The following DNAH2 variants were observed in gnomAD, a reference collection of about 807,000 sequenced individuals.
DNAH2 encodes the protein dynein axonemal heavy chain 2, also known as axonemal beta dynein heavy chain 2.
DNAH2 carries 323 observed loss-of-function variants against 523.5 expected under a neutral mutation model. That is an observed-to-expected ratio of 0.62 (90% confidence interval 0.56 to 0.68). The LOEUF is 0.68. Among genes scored for constraint, DNAH2 ranks in the 30% least tolerant of loss-of-function variants. The pLI, the probability that DNAH2 is intolerant of heterozygous loss-of-function variation, is 0.00. For missense variants in DNAH2, 4,907 were observed against 5,701.5 expected (o/e 0.86, Z 4.49); for synonymous variants, 2,093 against 2,177.4 (o/e 0.96, Z 1.08).
Position 7,816,627 on chromosome 17 carries a change from G to A in DNAH2, c.9786G>A (p.Lys3262=). Residue 3262 remains lysine (K), a synonymous_variant, in exon 64 of 86, where the codon AAG becomes AAA. Transcript: ENST00000572933. ...AGTATGATGAGAAGCTGGCACAGAA[G>A]GAGGAGCTTCGCAAGAAGTCTGAAG... ...KKQYDEKLAQ[K]EELRKKSEEM... 1.9e-6 allele frequency: 3 copies of A among 1,614,228 alleles called. No homozygotes were observed. The highest frequency in any genetic ancestry group is 2.2e-5 in the East Asian group (1 of 44,896).
In DNAH2 at chr17:7,786,758, A is replaced by C; in HGVS notation, c.6466+71A>C. 2 of 1,597,800 alleles carry C rather than the reference A, an allele frequency of 1.3e-6. No individual in the cohort carries two copies. Among genetic ancestry groups the C allele is most frequent in the Admixed American group, 3.4e-5 (2 of 59,504 alleles). ...CTAAGGGGGCAGGGAGTCTGGGGATAGGAAGTTCCAAGTTGGGAGAGAAAT... is the reference window on the plus strand; with the variant it reads ...CTAAGGGGGCAGGGAGTCTGGGGATCGGAAGTTCCAAGTTGGGAGAGAAAT... On this transcript the variant is annotated intron_variant, in intron 41 of 85. Coordinates refer to ENST00000572933, the MANE Select transcript of DNAH2 (RefSeq NM_020877.5). This position sits in a 1 kb window ranked among gnomAD's most constrained non-coding sequence, Gnocchi z 7.5.
chr17:7,733,034 G>C lies in DNAH2; in HGVS notation c.400-53G>C, dbSNP rs1027860879. ...GAACTCAGCCGGGCTTTTGTGACTG[G>C]GTGTCATGGCTGGGCCTGGAGACTG... On this transcript the variant is annotated intron_variant, in intron 4 of 85. Transcript: ENST00000572933. 3.2e-6 allele frequency: 5 copies of C among 1,581,354 alleles called. No individual in the cohort carries two copies. In the African/African-American group the frequency reaches 6.7e-5, roughly 21 times the overall value.
chr17:7,752,194 C>CACACACACACACAA (rs1260874729), intron 12 of DNAH2, among the ~76,000 whole-genome samples: 10 of 151,554 alleles, frequency 6.6e-5, no homozygotes, highest in African/African-American at 1.2e-4. Flanking sequence ...CACACACACA[C>CACACACACACACAA]AATTTCTGAT....
chr17:7,762,401 T>C (rs2076031741), intron 18 of DNAH2, among the ~76,000 whole-genome samples: 1 of 146,738 alleles, frequency 6.8e-6, no homozygotes, highest in African/African-American at 2.5e-5. Context: ...AATGGCGCCA[T>C]CTCTGCTCAC....
At chr17:7,773,054 A>G (rs184399430) in intron 28 of DNAH2, among the ~76,000 whole-genome samples, 19 of 152,224 alleles carry the variant, frequency 1.2e-4, no homozygotes, top group Admixed American at 9.8e-4. Context: ...GATTATAGGC[A>G]TGAGCCACCA....
At chr17:7,818,895 A>G in intron 70 of DNAH2, 24 bp from the exon 71 acceptor site, 2 of 1,609,168 alleles carry the variant, frequency 1.2e-6, no homozygotes, top group South Asian at 1.1e-5. Context: ...CCCTTGCTCC[A>G]TGTGCCTCTG....
chr17:7,813,969 T>C (rs982294528), intron 63 of DNAH2, among the ~76,000 whole-genome samples: 5 of 151,926 alleles, frequency 3.3e-5, no homozygotes, highest in African/African-American at 1.2e-4. Context: ...TTATTTTAGG[T>C]CTAAGGATTC....
Position 7,778,128 on chromosome 17 carries a change from T to G in DNAH2, c.5299T>G (p.Tyr1767Asp), listed in dbSNP as rs1430360884. ...RQTNTQFQYN[Y>D]EYLGNSGRLV... is the part of the protein sequence containing the mutation. ...GACCAACACGCAATTTCAGTATAAT[T>G]ATGAGTACTTGGGTAACTCGGGCCG... The change falls in exon 34 of 86, where the codon TAT (tyrosine) becomes GAT (aspartate). Residue 1767 changes from tyrosine (Y) to aspartate (D), a missense_variant. Tyr to Asp is a radical substitution (Grantham distance 160, BLOSUM62 -3). Around this residue, in one of 3 missense-constraint regions of DNAH2, gnomAD observed 2,806 missense variants for 3,190.8 expected, o/e 0.88. Coordinates refer to ENST00000572933, the MANE Select transcript of DNAH2 (RefSeq NM_020877.5). 6 of 1,614,140 alleles carry G rather than the reference T, an allele frequency of 3.7e-6. No homozygotes were observed. Among genetic ancestry groups the G allele is most frequent in the Non-Finnish European group, 5.1e-6 (6 of 1,180,036 alleles).
chr17:7,761,892 G>T (rs898524212), intron 18 of DNAH2, among the ~76,000 whole-genome samples: 21 of 150,922 alleles, frequency 1.4e-4, no homozygotes, highest in African/African-American at 4.9e-4. Context: ...CATTGTATGG[G>T]CCATGAGGAG....
At chr17:7,793,281 C>A in intron 48 of DNAH2, 76 bp downstream of exon 48, 1 of 1,470,756 alleles carries the variant, frequency 6.8e-7, no homozygotes. Context: ...CACTGGGGCC[C>A]CAGGCTATGG....
intron 2 of DNAH2, among the ~76,000 whole-genome samples, chr17:7,721,976 A>T (rs893381631): frequency 6.6e-6 from 1 of 151,966 alleles, no homozygotes; most frequent in African/African-American, 2.4e-5. Context: ...TCATTCCCTC[A>T]CCCCTACCCC....
chr17:7,780,093 G>A lies in DNAH2; in HGVS notation c.5723-64G>A. The stretch of plus-strand genomic sequence containing the variant: ...AGAAAATGAGACTGATTGGAAAGTG[G>A]GTTTGGGGAAGCAAATCAAGATGAG... On this transcript the variant is annotated intron_variant, in intron 36 of 85. Coordinates refer to ENST00000572933, the MANE Select transcript of DNAH2 (RefSeq NM_020877.5). This position sits in a 1 kb window ranked among gnomAD's most constrained non-coding sequence, Gnocchi z 4.4. 6.4e-7 allele frequency: 1 copy of A among 1,569,728 alleles called. No individual in the cohort carries two copies. The highest frequency in any genetic ancestry group is 8.6e-7 in the Non-Finnish European group (1 of 1,156,954).
At chr17:7,722,964 C>CA (rs2074665517) in intron 2 of DNAH2, among the ~76,000 whole-genome samples, 3 of 114,700 alleles carry the variant, frequency 2.6e-5, no homozygotes, top group Non-Finnish European at 5.2e-5. Flanking sequence ...CTTTTCTTTC[C>CA]TTTTTTTTTT....
At chr17:7,746,809 A>G (rs1428986142) in intron 12 of DNAH2, among the ~76,000 whole-genome samples, 1 of 152,120 alleles carries the variant, frequency 6.6e-6, no homozygotes, top group Non-Finnish European at 1.5e-5. Flanking sequence ...CAACATGGTG[A>G]AACCCCGTCT....
rs762729742 is a variant in DNAH2 at position 7,823,890 on chromosome 17, C to T, written c.11386C>T (p.Arg3796Cys). 50 of 1,614,040 alleles carry T rather than the reference C, an allele frequency of 3.1e-5. No individual in the cohort carries two copies. Among genetic ancestry groups the T allele is most frequent in the Non-Finnish European group, 4.0e-5 (47 of 1,180,058 alleles). The change falls in exon 75 of 86, where the codon CGC becomes TGC. Residue 3796 changes from arginine (R) to cysteine (C), a missense_variant. Coordinates refer to ENST00000572933, the MANE Select transcript of DNAH2 (RefSeq NM_020877.5). ...ACGGATGCTGATCGTTCGCTCCCTG[C>T]GCCAGGACCGCGTGGCCTTCTGCGT... Reference protein sequence around the residue: ...MQRMLIVRSLRQDRVAFCVTS... With the variant: ...MQRMLIVRSLCQDRVAFCVTS...
intron 58 of DNAH2, among the ~76,000 whole-genome samples, chr17:7,802,829 A>ATT (rs34264918): frequency 1.4e-3 from 201 of 140,764 alleles, no homozygotes; most frequent in East Asian, 3.5e-3. Flanking sequence ...ATGCCCAGCT[A>ATT]TTTTTTTTTT....
Position 7,719,898 on chromosome 17 carries a change from C to A in DNAH2, c.164C>A (p.Pro55His). 2 of 1,532,374 alleles carry A rather than the reference C, an allele frequency of 1.3e-6. No individual in the cohort carries two copies. The highest frequency in any genetic ancestry group is 1.3e-5 in the South Asian group (1 of 77,766). 94.9% of individuals were successfully genotyped at this position (1,532,374 alleles called of 1,614,324 possible). The part of the protein sequence containing the change: ...ELQAELPKEE[P>H]EPRLEGPQAQ... The stretch of plus-strand genomic sequence containing the variant: ...CAGGCTGAGCTCCCCAAGGAGGAGC[C>A]TGGTGGGTACTTGCTGGGGCAGAGG... Residue 55 changes from proline (P) to histidine (H), a missense_variant and splice_region_variant, in exon 2 of 86, where the codon CCT becomes CAT. Physicochemically the swap from Pro to His is moderately conservative, Grantham distance 77. Around this residue, in one of 3 missense-constraint regions of DNAH2, gnomAD observed 2,806 missense variants for 3,190.8 expected, o/e 0.88. Transcript: ENST00000572933.
chr17:7,801,969 A>G lies in DNAH2; in HGVS notation c.8924A>G (p.Asn2975Ser), dbSNP rs762112230. Residue 2975 changes from asparagine to serine, a missense_variant, in exon 58 of 86, where the codon AAC becomes AGC. Around this residue, in one of 3 missense-constraint regions of DNAH2, gnomAD observed 1,851 missense variants for 2,139.4 expected, o/e 0.87. Coordinates refer to ENST00000572933, the MANE Select transcript of DNAH2 (RefSeq NM_020877.5). ...ATGCTGTTGGAACTGCGGAGACACA[A>G]CTATGTCACACCCACCAAATACCTG... The part of the protein sequence containing the change: ...QKMLLELRRH[N>S]YVTPTKYLEL... 6.2e-7 allele frequency: 1 copy of G among 1,614,224 alleles called. No individual in the cohort carries two copies. Among genetic ancestry groups the G allele is most frequent in the Non-Finnish European group, 8.5e-7 (1 of 1,180,044 alleles).
At position 7,831,421 on chromosome 17, in the gene DNAH2, A is replaced by T; in HGVS notation, c.12491A>T (p.Lys4164Met). 6.2e-7 allele frequency: 1 copy of T among 1,614,180 alleles called. No individual in the cohort carries two copies. The highest frequency in any genetic ancestry group is 8.5e-7 in the Non-Finnish European group (1 of 1,180,030). Residue 4164 changes from lysine to methionine, a missense_variant, in exon 81 of 86, where the codon AAG becomes ATG. Lys to Met is a moderately conservative substitution (Grantham distance 95). This residue lies in a region of DNAH2 where 1,851 missense variants were observed against 2,139.4 expected (regional missense o/e 0.87). Transcript: ENST00000572933. The surrounding 1 kb of genome is among the most constrained non-coding windows in gnomAD (Gnocchi z 4.2). ...VLELAADVKQ[K>M]IPEMIDYEGT... The stretch of plus-strand genomic sequence containing the variant: ...GAGTTGGCCGCTGATGTGAAGCAGA[A>T]GATCCCTGAAATGATCGACTATGAG...
Sources: allele counts gnomAD v4.1 joint callset (sites outside exome capture counted in the v4.1 genomes callset), GRCh38; gene constraint gnomAD v4.1.1; regional missense constraint gnomAD v4.1.1; non-coding constraint Gnocchi (gnomAD v3.1); transcripts MANE v1.5; gene names NCBI Gene and HGNC (gene_info 2026-07-23, HGNC 2026-07-21).